The following ALK variants were observed in gnomAD, a reference collection of about 807,000 sequenced individuals.
ALK encodes ALK receptor tyrosine kinase.
In ALK, 74 loss-of-function variants were observed where a neutral mutation model predicts 163.1. The ratio of observed to expected loss-of-function variants is 0.45; its 90% CI spans 0.38 to 0.55. ALK has a LOEUF of 0.55. Among genes scored for constraint, ALK ranks in the 20% least tolerant of loss-of-function variants. The probability of loss-of-function intolerance (pLI) is 0.00; values close to 1 mark genes in which losing one functional copy is unlikely to be tolerated. For missense variants in ALK, 2,063 were observed against 2,105.3 expected, an observed-to-expected ratio of 0.98 and a Z score of 0.39; for synonymous variants, 960 against 843.2, an observed-to-expected ratio of 1.14 and a Z score of -2.40.
chr2:29,234,832 C>T (rs964034408), intron 13 of ALK, among the ~76,000 whole-genome samples: 8 of 152,220 alleles, frequency 5.3e-5, no homozygotes, highest in Non-Finnish European at 1.0e-4. Context: ...GCAACTTCTG[C>T]CTCCCAAGCA....
chr2:29,426,836 G>A (rs181033021), intron 4 of ALK, among the ~76,000 whole-genome samples: 111 of 151,846 alleles, frequency 7.3e-4, no homozygotes, highest in African/African-American at 2.6e-3. Flanking sequence ...TCAAGAGATC[G>A]AGACCATACT....
intron 8 of ALK, among the ~76,000 whole-genome samples, chr2:29,297,810 A>G (rs192109879): frequency 6.6e-6 from 1 of 151,722 alleles, no homozygotes; most frequent in African/African-American, 2.4e-5. Context: ...GATCATATTC[A>G]GAGGTAGGAC....
At chr2:29,791,612 G>A (rs528239151) in intron 1 of ALK, among the ~76,000 whole-genome samples, 93 of 152,038 alleles carry the variant, frequency 6.1e-4, no homozygotes, top group African/African-American at 2.2e-3. Flanking sequence ...ATGTATCCCA[G>A]AACTTAAAGT....
intron 1 of ALK, among the ~76,000 whole-genome samples, chr2:29,800,664 A>G (rs960081054): frequency 6.6e-6 from 1 of 152,224 alleles, no homozygotes; most frequent in Non-Finnish European, 1.5e-5. Context: ...GGAGGCACTC[A>G]GGTTTCCTAC....
chr2:29,231,045 G>A (rs58061157), intron 15 of ALK, among the ~76,000 whole-genome samples: 16,780 of 152,126 alleles, frequency 0.11, 1,130 homozygotes, highest in African/African-American at 0.19. Flanking sequence ...TTAAAAATAC[G>A]AATTGAGTCT....
At chr2:29,898,260 C>T (rs959148832) in intron 1 of ALK, among the ~76,000 whole-genome samples, 5 of 152,118 alleles carry the variant, frequency 3.3e-5, no homozygotes, top group Admixed American at 6.5e-5. Context: ...TTTGAAAATA[C>T]GGGGAAAGGC....
At chr2:29,346,099 A>G (rs191174895) in intron 5 of ALK, among the ~76,000 whole-genome samples, 4 of 152,226 alleles carry the variant, frequency 2.6e-5, no homozygotes, top group Non-Finnish European at 5.9e-5. Flanking sequence ...AGCATGAGTG[A>G]GTCAGTCCTT....
At chr2:29,876,679 A>ATGG (rs879354339) in intron 1 of ALK, among the ~76,000 whole-genome samples, 7,777 of 134,592 alleles carry the variant, frequency 0.058, 261 homozygotes, top group East Asian at 0.16. Context: ...GATGGTAACG[A>ATGG]TGGTGATATG....
intron 1 of ALK, among the ~76,000 whole-genome samples, chr2:29,798,226 G>C (rs1664372298): frequency 6.6e-6 from 1 of 152,192 alleles, no homozygotes; most frequent in African/African-American, 2.4e-5. Flanking sequence ...GCCTCTCTTT[G>C]TGTGTGTGAG....
intron 3 of ALK, among the ~76,000 whole-genome samples, chr2:29,669,873 A>T (rs1423127915): frequency 0.074 from 415 of 5,596 alleles, no homozygotes; most frequent in African/African-American, 0.39. Context: ...AAACAAAGGC[A>T]AAAAAAAACT....
At chr2:29,579,513 C>A (rs1296895882) in intron 3 of ALK, among the ~76,000 whole-genome samples, 1 of 152,178 alleles carries the variant, frequency 6.6e-6, no homozygotes, top group Non-Finnish European at 1.5e-5. Context: ...TTTTTATGTG[C>A]ATTGTTATAT....
intron 4 of ALK, among the ~76,000 whole-genome samples, chr2:29,476,422 AG>A (rs1288135525): frequency 6.6e-6 from 1 of 152,262 alleles, no homozygotes; most frequent in Non-Finnish European, 1.5e-5. Context: ...GATACATTAT[AG>A]AAAAATATAG....
intron 5 of ALK, among the ~76,000 whole-genome samples, chr2:29,333,387 T>C (rs1667509300): frequency 6.6e-6 from 1 of 152,190 alleles, no homozygotes; most frequent in South Asian, 2.1e-4. Context: ...AATACAGGCA[T>C]AAGCTATCGT....
At chr2:29,616,336 G>A (rs969971337) in intron 3 of ALK, among the ~76,000 whole-genome samples, 4 of 152,162 alleles carry the variant, frequency 2.6e-5, no homozygotes, top group Admixed American at 6.5e-5. Flanking sequence ...GAGAGGGGAG[G>A]AAAAGGGCAG....
Position 29,553,051 on chromosome 2 carries a change from G to C in ALK, c.953-20935C>G, listed in dbSNP as rs572359540. Among the ~76,000 whole-genome samples, 17 of 152,246 alleles carry C rather than the reference G, an allele frequency of 1.1e-4. No individual in the cohort carries two copies. In the South Asian group the frequency reaches 2.9e-3, roughly 26 times the overall value. On this transcript the variant is annotated intron_variant, in intron 3 of 28. Transcript: ENST00000389048. ...CAGCGAAATTCTAATCATCCTTCCAGATTCAGCTCAGGATCATTTCAAATA... is the reference window on the plus strand; with the variant it reads ...CAGCGAAATTCTAATCATCCTTCCACATTCAGCTCAGGATCATTTCAAATA...
chr2:29,916,368 G>A (rs1290813087), intron 1 of ALK, among the ~76,000 whole-genome samples: 2 of 152,022 alleles, frequency 1.3e-5, no homozygotes, highest in Admixed American at 1.3e-4. Flanking sequence ...TCCCTTCATC[G>A]CCATTTAGCC....
intron 4 of ALK, among the ~76,000 whole-genome samples, chr2:29,442,903 T>A (rs568494596): frequency 6.6e-6 from 1 of 152,324 alleles, no homozygotes; most frequent in South Asian, 2.1e-4. Context: ...TCTCTGATTC[T>A]AACTTGAAAC....
At chr2:29,667,486 TC>T (rs1190491933) in intron 3 of ALK, among the ~76,000 whole-genome samples, 1 of 152,032 alleles carries the variant, frequency 6.6e-6, no homozygotes, top group Non-Finnish European at 1.5e-5. Flanking sequence ...TGCAGTATGT[TC>T]CTTCTATCTC....
At chr2:29,502,544 T>G (rs961083393) in intron 4 of ALK, among the ~76,000 whole-genome samples, 4 of 152,010 alleles carry the variant, frequency 2.6e-5, no homozygotes, top group African/African-American at 9.7e-5. Context: ...CAATGTAAAT[T>G]GCCATCAAAC....
Sources: allele counts gnomAD v4.1 joint callset (sites outside exome capture counted in the v4.1 genomes callset), GRCh38; gene constraint gnomAD v4.1.1; transcripts MANE v1.5; gene names NCBI Gene and HGNC (gene_info 2026-07-23, HGNC 2026-07-21).